Variants in FBXL5 observed in about 807,000 individuals in gnomAD.
FBXL5 encodes the protein F-box/LRR-repeat protein 5.
Under a neutral mutation model 78.3 loss-of-function variants are expected in FBXL5, and 26 were observed. The observed-to-expected ratio is 0.33, with a 90% CI of 0.24 to 0.46. The LOEUF is 0.46. Ranked by LOEUF, FBXL5 falls within the 20% of genes least tolerant of loss-of-function variation. The pLI is 1.00. For synonymous variants in FBXL5, 295 were observed against 282.5 expected, an observed-to-expected ratio of 1.04 and a Z score of -0.45; for missense variants, 710 against 829.2, an observed-to-expected ratio of 0.86 and a Z score of 1.77.
intron 1 of FBXL5, among the ~76,000 whole-genome samples, chr4:15,653,520 G>A (rs1199417673): frequency 6.6e-6 from 1 of 152,088 alleles, no homozygotes; most frequent in East Asian, 1.9e-4. Flanking sequence ...CTAGGAAAAT[G>A]GACACACGCA....
intron 1 of FBXL5, among the ~76,000 whole-genome samples, chr4:15,680,332 G>A (rs1718176531): frequency 6.6e-6 from 1 of 152,114 alleles, no homozygotes; most frequent in Non-Finnish European, 1.5e-5. Flanking sequence ...TGTAGTTTGA[G>A]CCATGTAAAA....
chr4:15,680,742 CAAG>C (rs1332496192), intron 1 of FBXL5, among the ~76,000 whole-genome samples: 1 of 151,714 alleles, frequency 6.6e-6, no homozygotes, highest in Non-Finnish European at 1.5e-5. Context: ...TGTAATCCTA[CAAG>C]AAGTAAGTAG....
chr4:15,667,780 G>A (rs1303683672), intron 1 of FBXL5, among the ~76,000 whole-genome samples: 2 of 151,960 alleles, frequency 1.3e-5, no homozygotes, highest in Non-Finnish European at 2.9e-5. Context: ...AATTTATCAC[G>A]CCTGTAATCC....
chr4:15,615,505 G>A (rs1177906054), intron 9 of FBXL5, among the ~76,000 whole-genome samples: 1 of 150,254 alleles, frequency 6.7e-6, no homozygotes, highest in South Asian at 2.1e-4. Context: ...AGCTGCTCTG[G>A]TGGGGCCTTG....
At chr4:15,633,613 A>G (rs1350348333) in intron 5 of FBXL5, among the ~76,000 whole-genome samples, 2 of 152,206 alleles carry the variant, frequency 1.3e-5, no homozygotes, top group African/African-American at 2.4e-5. Context: ...ATTTTTCTGG[A>G]GACAGAGTCT....
At position 15,635,639 on chromosome 4, in the gene FBXL5, G is replaced by C. The variant is rs1450699789; in HGVS notation, c.766+855C>G. On this transcript the variant is annotated intron_variant, in intron 5 of 10. Coordinates refer to ENST00000341285, the MANE Select transcript of FBXL5 (RefSeq NM_012161.4). ...GTGGTGGTGCACGCCTGTAATCCCA[G>C]CTACTTGGAAGGCTGAGGCAGGAGA... 7.2e-5 allele frequency among the ~76,000 whole-genome samples: 11 copies of C among 151,778 alleles called. No individual in the cohort carries two copies. In the East Asian group the frequency reaches 1.8e-3, roughly 24 times the overall value.
chr4:15,616,221 G>A (rs775793694), intron 9 of FBXL5, among the ~76,000 whole-genome samples: 2 of 152,212 alleles, frequency 1.3e-5, no homozygotes, highest in Non-Finnish European at 2.9e-5. Context: ...CACTCACCGC[G>A]AGGGTCCGCG....
In FBXL5 at chr4:15,636,391, TG is replaced by T. The variant is rs897767541; in HGVS notation, c.766+102del. On this transcript the variant is annotated intron_variant, in intron 5 of 10. Transcript: ENST00000341285. ...TCATCTAACTATAAAATCTACTTTT[TG>T]ATTGACCTCTCAGAGTTTCTCTCTC... 8 of 942,452 alleles carry T rather than the reference TG, an allele frequency of 8.5e-6. No individual in the cohort carries two copies. In the African/African-American group the frequency reaches 1.2e-4, roughly 14 times the overall value. 58.4% of individuals were successfully genotyped at this position (942,452 alleles called of 1,614,324 possible).
At chr4:15,606,739 A>C (rs1721912759) in intron 10 of FBXL5, among the ~76,000 whole-genome samples, 1 of 152,240 alleles carries the variant, frequency 6.6e-6, no homozygotes, top group South Asian at 2.1e-4. Flanking sequence ...TGATATAAGG[A>C]ACAATACAAA....
chr4:15,666,259 T>C (rs1158373589), intron 1 of FBXL5, among the ~76,000 whole-genome samples: 1 of 151,828 alleles, frequency 6.6e-6, no homozygotes, highest in East Asian at 1.9e-4. Flanking sequence ...ATTAGCCAGG[T>C]ATGGTGGTGC....
At chr4:15,626,126 A>G (rs1042119986) in intron 8 of FBXL5, 149 bp from the exon 9 acceptor site, 3 of 761,212 alleles carry the variant, frequency 3.9e-6, no homozygotes, top group African/African-American at 3.5e-5. Context: ...TTAAGGTACT[A>G]TTCTTGATGC....
upstream of FBXL5, among the ~76,000 whole-genome samples, chr4:15,657,337 A>AT (rs1195394591): frequency 3.3e-5 from 5 of 152,208 alleles, no homozygotes; most frequent in Admixed American, 2.0e-4. Context: ...TTCAGTAAAT[A>AT]TGTTGGAAAA....
chr4:15,656,235 A>G, upstream of FBXL5: 1 of 456,216 alleles, frequency 2.2e-6, no homozygotes, highest in Non-Finnish European at 4.4e-6. Flanking sequence ...TAACCCAGGA[A>G]AATGTCTGCC....
chr4:15,637,259 G>A (rs1306208844), intron 4 of FBXL5, among the ~76,000 whole-genome samples: 1 of 152,200 alleles, frequency 6.6e-6, no homozygotes, highest in Admixed American at 6.5e-5. Flanking sequence ...ACGACAAAAT[G>A]TAGATATTTC....
intron 10 of FBXL5, among the ~76,000 whole-genome samples, chr4:15,609,684 T>G (rs182243662): frequency 6.6e-6 from 1 of 152,196 alleles, no homozygotes; most frequent in African/African-American, 2.4e-5. Context: ...TTAAAGAAAT[T>G]TTTTAATGTT....
Position 15,605,631 on chromosome 4 carries a change from G to T in FBXL5, c.*92C>A. The T allele has an allele frequency of 9.6e-7, 1 of 1,038,928 alleles. No homozygotes were observed. Among genetic ancestry groups the T allele is most frequent in the Non-Finnish European group, 1.5e-6 (1 of 687,160 alleles). 64.4% of individuals were successfully genotyped at this position (1,038,928 alleles called of 1,614,324 possible). On this transcript the variant is annotated 3_prime_UTR_variant, in exon 11 of 11. Coordinates refer to ENST00000341285, the MANE Select transcript of FBXL5 (RefSeq NM_012161.4). ...GCCAAAACAAGTCACGCTCAAAAAG[G>T]GATGGTTAACACAAGAAATGTGCTA...
At chr4:15,637,906 A>ATTTT (rs1560229262) in intron 4 of FBXL5, among the ~76,000 whole-genome samples, 1 of 151,704 alleles carries the variant, frequency 6.6e-6, no homozygotes, top group East Asian at 1.9e-4. Flanking sequence ...TTTTTTTAAA[A>ATTTT]AAAAAAAAAA....
At chr4:15,664,829 G>A (rs1202918006), upstream of FBXL5, among the ~76,000 whole-genome samples, 2 of 151,894 alleles carry the variant, frequency 1.3e-5, no homozygotes, top group South Asian at 2.1e-4. Flanking sequence ...AAAGTGCTGG[G>A]ATTACAGGCA....
At chr4:15,650,038 C>G (rs2148702540) in intron 1 of FBXL5, among the ~76,000 whole-genome samples, 1 of 152,264 alleles carries the variant, frequency 6.6e-6, no homozygotes. Context: ...AGCAACAGCT[C>G]TCACCAAGGC....
Sources: gnomAD v4.1 joint callset for allele counts (sites outside exome capture counted in the v4.1 genomes callset) on GRCh38, gnomAD v4.1.1 for gene constraint, MANE v1.5 for transcripts, NCBI Gene and HGNC (gene_info 2026-07-23, HGNC 2026-07-21) for gene names.